CHIC1: variants seen among roughly 807,000 people sequenced by gnomAD.
CHIC1 encodes cysteine-rich hydrophobic domain-containing protein 1.
A neutral mutation model predicts 18.5 loss-of-function variants in CHIC1; 7 were observed. That is an observed-to-expected ratio of 0.38 (90% CI 0.22 to 0.71). The LOEUF is 0.71. CHIC1 is among the 30% of genes least tolerant of loss of function. CHIC1 has a pLI of 0.49. For synonymous variants in CHIC1, 77 were observed against 73.5 expected, an observed-to-expected ratio of 1.05 and a Z score of -0.25; for missense variants, 159 against 176.9, an observed-to-expected ratio of 0.90 and a Z score of 0.57.
At chrX:73,653,256 A>G (rs1044869995) in intron 3 of CHIC1, among the ~76,000 whole-genome samples, 2 of 110,950 alleles carry the variant, frequency 1.8e-5, no homozygotes, top group Non-Finnish European at 1.9e-5. Flanking sequence ...AACCTAGAGG[A>G]CGGGTCAATA....
chrX:73,598,621 G>A (rs2057624396), intron 3 of CHIC1, among the ~76,000 whole-genome samples: 1 of 108,148 alleles, frequency 9.2e-6, no homozygotes, highest in Admixed American at 9.9e-5. Context: ...TGAGAATGAT[G>A]CTTTCCAATT....
At chrX:73,671,799 TA>T (rs1223015882) in intron 3 of CHIC1, among the ~76,000 whole-genome samples, 3 of 110,391 alleles carry the variant, frequency 2.7e-5, no homozygotes, top group Non-Finnish European at 5.7e-5. Context: ...CTTTAAGTTT[TA>T]TGGTACATGT....
chrX:73,647,876 A>T lies in CHIC1; in HGVS notation c.508-31450A>T, dbSNP rs2057896601. 3.6e-5 allele frequency among the ~76,000 whole-genome samples: 4 copies of T among 112,065 alleles called. No individual in the cohort carries two copies. In the South Asian group the frequency reaches 1.5e-3, roughly 41 times the overall value. The stretch of plus-strand genomic sequence containing the variant: ...CACCAAGGGACAGTCAAAGTGCATG[A>T]TTAAATGGATTCTGTTCCCTGTGCC... On this transcript the variant is annotated intron_variant, in intron 3 of 5. Transcript: ENST00000373502.
intron 3 of CHIC1, among the ~76,000 whole-genome samples, chrX:73,598,178 T>A (rs1302517428): frequency 9.0e-6 from 1 of 110,719 alleles, no homozygotes; most frequent in Non-Finnish European, 1.9e-5. Flanking sequence ...TGGTTCTAGA[T>A]CCTTGGGCAA....
chrX:73,565,032 G>A, intron 1 of CHIC1, among the ~76,000 whole-genome samples: 1 of 110,298 alleles, frequency 9.1e-6, no homozygotes, highest in Admixed American at 9.6e-5. Flanking sequence ...GAAGTGTTGG[G>A]GGAGGGTTTT....
At chrX:73,629,843 A>G (rs1397336321) in intron 3 of CHIC1, among the ~76,000 whole-genome samples, 1 of 111,928 alleles carries the variant, frequency 8.9e-6, no homozygotes, top group East Asian at 2.8e-4. Flanking sequence ...ATGCCATTGG[A>G]ATTTTCATAG....
intron 3 of CHIC1, among the ~76,000 whole-genome samples, chrX:73,659,406 T>C (rs1459292805): frequency 9.9e-6 from 1 of 101,091 alleles, no homozygotes. Context: ...ATCAGGAATT[T>C]TGTTGATTGA....
intron 3 of CHIC1, among the ~76,000 whole-genome samples, chrX:73,672,317 A>G (rs2058035690): frequency 9.0e-6 from 1 of 111,506 alleles, no homozygotes; most frequent in African/African-American, 3.3e-5. Context: ...TGGTATTTCT[A>G]GTTCTAGATC....
At chrX:73,651,380 G>T (rs1243976052) in intron 3 of CHIC1, among the ~76,000 whole-genome samples, 1 of 110,157 alleles carries the variant, frequency 9.1e-6, no homozygotes, top group Non-Finnish European at 1.9e-5. Context: ...TCTGGCCAGG[G>T]CAATCAGGCA....
chrX:73,589,761 G>T (rs1468106765), intron 3 of CHIC1, among the ~76,000 whole-genome samples: 1 of 111,133 alleles, frequency 9.0e-6, no homozygotes, highest in Non-Finnish European at 1.9e-5. Context: ...TCTCTTTTTA[G>T]AATTTATTGA....
At chrX:73,678,060 T>A (rs1466301716) in intron 3 of CHIC1, among the ~76,000 whole-genome samples, 1 of 110,048 alleles carries the variant, frequency 9.1e-6, no homozygotes, top group African/African-American at 3.3e-5. Context: ...TTCATTTGTA[T>A]GGAATAGCTC....
Position 73,600,699 on chromosome X carries a change from C to G in CHIC1, c.507+16127C>G, listed in dbSNP as rs371140526. ...GGGATGAAGCCCACTTGATCATGGT[C>G]GATAAGCTTTTTGATGTGCTGCTGG... On this transcript the variant is annotated intron_variant, in intron 3 of 5. Transcript: ENST00000373502. Among the ~76,000 whole-genome samples, 104 of 106,682 alleles carry G rather than the reference C, an allele frequency of 9.7e-4. 2 individuals are homozygous for G. The highest frequency in any genetic ancestry group is 4.6e-3 in the Middle Eastern group (1 of 216). 92.6% of individuals were successfully genotyped at this position (106,682 alleles called of 115,157 possible). A position where few individuals can be genotyped will look rare whatever the true frequency, so the allele number is the denominator to read the frequency against.
At position 73,641,583 on chromosome X, in the gene CHIC1, C is replaced by A. The variant is rs760019450; in HGVS notation, c.508-37743C>A. Among the ~76,000 whole-genome samples, 7 of 110,140 alleles carry A rather than the reference C, an allele frequency of 6.4e-5. No homozygotes were observed. The Admixed American group carries it at 6.8e-4, about 11-fold the overall frequency. On this transcript the variant is annotated intron_variant, in intron 3 of 5. Transcript: ENST00000373502. ...GCATAATGTGCAGGTTAGTTACCTA[C>A]GTATACATGTGCCATGCTGGTGTGC...
At chrX:73,629,895 T>C (rs2057799599) in intron 3 of CHIC1, among the ~76,000 whole-genome samples, 1 of 112,098 alleles carries the variant, frequency 8.9e-6, no homozygotes, top group South Asian at 3.6e-4. Flanking sequence ...AGTATGGACA[T>C]TTTAGCCATA....
chrX:73,604,185 T>C (rs1480091078), intron 3 of CHIC1, among the ~76,000 whole-genome samples: 1 of 104,551 alleles, frequency 9.6e-6, no homozygotes, highest in Non-Finnish European at 1.9e-5. Flanking sequence ...TTTCTGAACC[T>C]GTTACTGGTC....
intron 3 of CHIC1, among the ~76,000 whole-genome samples, chrX:73,612,945 T>C (rs1407634065): frequency 2.7e-5 from 3 of 112,060 alleles, no homozygotes; most frequent in African/African-American, 9.7e-5. Context: ...TTGGAGTTTA[T>C]TTCTTCCTTT....
chrX:73,593,579 T>C (rs935241703), intron 3 of CHIC1, among the ~76,000 whole-genome samples: 1 of 111,907 alleles, frequency 8.9e-6, no homozygotes, highest in Non-Finnish European at 1.9e-5. Flanking sequence ...TCTACATAAT[T>C]CCCTATTTCT....
chrX:73,673,983 C>G (rs948156904), intron 3 of CHIC1, among the ~76,000 whole-genome samples: 2 of 111,795 alleles, frequency 1.8e-5, no homozygotes, highest in Non-Finnish European at 3.8e-5. Flanking sequence ...TGTCAAAGGC[C>G]TTTTCTGCAT....
At chrX:73,637,061 T>G in intron 3 of CHIC1, among the ~76,000 whole-genome samples, 1 of 111,954 alleles carries the variant, frequency 8.9e-6, no homozygotes, top group Non-Finnish European at 1.9e-5. Flanking sequence ...AGGGCAGATC[T>G]AATGGTAATG....
Sources: allele counts gnomAD v4.1 joint callset (sites outside exome capture counted in the v4.1 genomes callset), GRCh38; gene constraint gnomAD v4.1.1; transcripts MANE v1.5; gene names NCBI Gene and HGNC (gene_info 2026-07-23, HGNC 2026-07-21).